Variants in SAMD12 observed in about 807,000 individuals in gnomAD.
SAMD12 encodes sterile alpha motif domain containing 12.
In SAMD12, 9 loss-of-function variants were observed where a neutral mutation model predicts 15.0. The ratio of observed to expected loss-of-function variants is 0.60; its 90% CI spans 0.36 to 1.05. The LOEUF is 1.05. Among genes scored for constraint, SAMD12 ranks in the 50% least tolerant of loss-of-function variants. SAMD12 has a pLI of 0.01. For synonymous variants in SAMD12, 86 were observed against 90.1 expected (o/e 0.96, Z 0.25); for missense variants, 230 against 234.2 (o/e 0.98, Z 0.12).
At chr8:118,486,188 G>A (rs1023834186) in intron 2 of SAMD12, among the ~76,000 whole-genome samples, 3 of 152,244 alleles carry the variant, frequency 2.0e-5, no homozygotes, top group African/African-American at 7.2e-5. Context: ...GCCAAGGCGG[G>A]CAGATCACGA....
In SAMD12 at chr8:118,419,412, G is replaced by C. The variant is rs539244932; in HGVS notation, c.322+20420C>G. Among the ~76,000 whole-genome samples, 14 of 152,316 alleles carry C rather than the reference G, an allele frequency of 9.2e-5. No homozygotes were observed. In the South Asian group the frequency reaches 2.7e-3, roughly 29 times the overall value. Reference sequence around the variant, plus strand: ...ATATCACTTTATAAAGTTCAAGTATGATACAAATATCAGTGGGAAATTTCT... The same window carrying C: ...ATATCACTTTATAAAGTTCAAGTATCATACAAATATCAGTGGGAAATTTCT... On this transcript the variant is annotated intron_variant, in intron 3 of 3. Coordinates refer to ENST00000314727, the MANE Select transcript of SAMD12 (RefSeq NM_207506.3).
intron 2 of SAMD12, among the ~76,000 whole-genome samples, chr8:118,488,096 A>G (rs77659774): frequency 6.6e-6 from 1 of 151,996 alleles, no homozygotes; most frequent in Non-Finnish European, 1.5e-5. Context: ...AAAAAAAAAA[A>G]TAAGACTATC....
intron 2 of SAMD12, among the ~76,000 whole-genome samples, chr8:118,532,943 T>G (rs1185058821): frequency 1.3e-5 from 2 of 152,172 alleles, no homozygotes; most frequent in Admixed American, 1.3e-4. Context: ...TTTCCTTCAG[T>G]TCTGCTCTGA....
intron 4 of SAMD12, among the ~76,000 whole-genome samples, chr8:118,283,144 T>C (rs1361922815): frequency 6.6e-6 from 1 of 152,206 alleles, no homozygotes; most frequent in African/African-American, 2.4e-5. Context: ...ATTTTTTTTA[T>C]TATACTTTAA....
At chr8:118,588,811 T>G (rs1827511227) in intron 1 of SAMD12, among the ~76,000 whole-genome samples, 1 of 152,188 alleles carries the variant, frequency 6.6e-6, no homozygotes, top group Non-Finnish European at 1.5e-5. Flanking sequence ...TCTGACTTAT[T>G]CTGTACTTCC....
intron 4 of SAMD12, among the ~76,000 whole-genome samples, chr8:118,366,165 G>A (rs1421868483): frequency 6.6e-6 from 1 of 152,064 alleles, no homozygotes; most frequent in African/African-American, 2.4e-5. Flanking sequence ...TAACACTTTG[G>A]CAATTTTATA....
chr8:118,324,098 C>A (rs1816447406), intron 4 of SAMD12, among the ~76,000 whole-genome samples: 1 of 152,056 alleles, frequency 6.6e-6, no homozygotes, highest in Non-Finnish European at 1.5e-5. Context: ...TATCTATGTG[C>A]ATGTCTATTT....
intron 4 of SAMD12, among the ~76,000 whole-genome samples, chr8:118,265,011 C>T: frequency 6.6e-6 from 1 of 152,124 alleles, no homozygotes; most frequent in East Asian, 1.9e-4. Context: ...AACTGCACTG[C>T]AATGAGGCAT....
chr8:118,594,714 AT>A (rs575471635), intron 1 of SAMD12, among the ~76,000 whole-genome samples: 3 of 151,748 alleles, frequency 2.0e-5, no homozygotes, highest in African/African-American at 4.8e-5. Context: ...AGACATCTGA[AT>A]TTTTTTTTCA....
intron 2 of SAMD12, among the ~76,000 whole-genome samples, chr8:118,446,193 T>C (rs1822905798): frequency 6.6e-6 from 1 of 151,182 alleles, no homozygotes; most frequent in African/African-American, 2.4e-5. Context: ...TTTAAAGACA[T>C]CACTGTTGTA....
intron 4 of SAMD12, among the ~76,000 whole-genome samples, chr8:118,319,895 T>G (rs545414144): frequency 1.3e-5 from 2 of 152,310 alleles, no homozygotes; most frequent in East Asian, 3.9e-4. Context: ...TTGGACAGCT[T>G]GGCATTCAGG....
chr8:118,538,075 G>A (rs1825895199), intron 2 of SAMD12, among the ~76,000 whole-genome samples: 3 of 152,162 alleles, frequency 2.0e-5, no homozygotes, highest in Admixed American at 6.5e-5. Flanking sequence ...TGGTGGTCTT[G>A]AGTAAAATCC....
At chr8:118,443,252 T>A (rs59011526) in intron 2 of SAMD12, among the ~76,000 whole-genome samples, 3,851 of 152,168 alleles carry the variant, frequency 0.025, 105 homozygotes, top group African/African-American at 0.071. Flanking sequence ...TCACCTGAGG[T>A]CAGGAGTTCA....
intron 3 of SAMD12, among the ~76,000 whole-genome samples, chr8:118,403,569 C>T (rs945654338): frequency 7.9e-5 from 12 of 152,074 alleles, no homozygotes; most frequent in African/African-American, 2.2e-4. Context: ...GGATTAAATT[C>T]GATGATCCAT....
At chr8:118,611,946 T>C (rs1828122684) in intron 1 of SAMD12, among the ~76,000 whole-genome samples, 1 of 152,164 alleles carries the variant, frequency 6.6e-6, no homozygotes, top group South Asian at 2.1e-4. Flanking sequence ...CCTTTGCAAG[T>C]GAACCAAGCA....
rs568540470 is a variant in SAMD12, at chr8:118,298,414, T to C, written c.433+81146A>G. ...TGCACTACCTATCAGTAATCTGTAA[T>C]ATTTAAGAATTTTTTTTAAAAAGAT... On this transcript the variant is annotated intron_variant, in intron 4 of 4. Coordinates refer to the SAMD12 transcript ENST00000409003. 1.4e-4 allele frequency among the ~76,000 whole-genome samples: 21 copies of C among 152,322 alleles called. No individual in the cohort carries two copies. In the South Asian group the frequency reaches 3.9e-3, roughly 29 times the overall value.
intron 1 of SAMD12, among the ~76,000 whole-genome samples, chr8:118,591,256 G>A (rs1563601130): frequency 6.6e-6 from 1 of 152,044 alleles, no homozygotes; most frequent in Non-Finnish European, 1.5e-5. Flanking sequence ...AATGACTTTT[G>A]ATTTACATGT....
the SAMD12 span, among the ~76,000 whole-genome samples, chr8:118,161,524 G>A: frequency 4.2e-5 from 6 of 143,016 alleles, no homozygotes; most frequent in South Asian, 2.2e-4. Flanking sequence ...GTGATCATGC[G>A]ACTGCAGTTC....
chr8:118,464,601 C>G (rs1563876240), intron 2 of SAMD12, among the ~76,000 whole-genome samples: 1 of 152,080 alleles, frequency 6.6e-6, no homozygotes, highest in South Asian at 2.1e-4. Flanking sequence ...AAGAGAAAGC[C>G]TTTTGAAAGT....
Sources: allele counts gnomAD v4.1 joint callset (sites outside exome capture counted in the v4.1 genomes callset), GRCh38; gene constraint gnomAD v4.1.1; transcripts MANE v1.5; gene names NCBI Gene and HGNC (gene_info 2026-07-23, HGNC 2026-07-21).